SUSD4: variants seen among roughly 807,000 people sequenced by gnomAD.
The protein encoded by SUSD4 is sushi domain-containing protein 4.
A neutral mutation model predicts 50.5 loss-of-function variants in SUSD4; 41 were observed. That is an observed-to-expected ratio of 0.81 (90% confidence interval 0.63 to 1.05). The LOEUF (loss-of-function observed/expected upper bound fraction) is 1.05, where lower values mean the gene tolerates loss of function less well. Ranked by LOEUF, SUSD4 falls within the 50% of genes least tolerant of loss-of-function variation. SUSD4 has a pLI of 0.00. For missense variants in SUSD4, 580 were observed against 634.7 expected (o/e 0.91, Z 0.93); for synonymous variants, 257 against 257.3 (o/e 1.00, Z 0.01).
intron 2 of SUSD4, among the ~76,000 whole-genome samples, chr1:223,320,979 C>T (rs1268128695): frequency 6.6e-6 from 1 of 152,200 alleles, no homozygotes; most frequent in Non-Finnish European, 1.5e-5. Context: ...ATTCTAATAG[C>T]CTCTCATTCC....
intron 3 of SUSD4, among the ~76,000 whole-genome samples, chr1:223,286,119 T>G (rs1021819965): frequency 2.6e-5 from 4 of 152,020 alleles, no homozygotes; most frequent in Non-Finnish European, 5.9e-5. Context: ...TAATTTTTTG[T>G]TTTTTTGTTT....
At chr1:223,264,595 C>T (rs752698794) in intron 5 of SUSD4, 35 bp downstream of exon 5, 1 of 1,608,916 alleles carries the variant, frequency 6.2e-7, no homozygotes, top group Non-Finnish European at 8.5e-7. Context: ...TTTAATAATA[C>T]AAAATACAAC....
At chr1:223,329,268 A>G (rs533770712) in intron 2 of SUSD4, among the ~76,000 whole-genome samples, 3 of 152,322 alleles carry the variant, frequency 2.0e-5, no homozygotes, top group Admixed American at 6.5e-5. Context: ...GGGATTATCA[A>G]TGGCCTTCAT....
chr1:223,348,940 C>T (rs941415451), intron 2 of SUSD4, among the ~76,000 whole-genome samples: 1 of 152,020 alleles, frequency 6.6e-6, no homozygotes, highest in Non-Finnish European at 1.5e-5. Flanking sequence ...CAGAGACCTC[C>T]AGGAGCTGGT....
intron 2 of SUSD4, among the ~76,000 whole-genome samples, chr1:223,328,744 G>A (rs1340260299): frequency 6.6e-6 from 1 of 152,184 alleles, no homozygotes; most frequent in Non-Finnish European, 1.5e-5. Flanking sequence ...TGTGTCAGCA[G>A]CTACACCTCA....
At chr1:223,261,291 A>G (rs712857) in intron 5 of SUSD4, among the ~76,000 whole-genome samples, 62,702 of 152,114 alleles carry the variant, frequency 0.41, 13,189 homozygotes, top group Non-Finnish European at 0.44. Flanking sequence ...ATGCCTATAA[A>G]AGTATCAAAT....
At chr1:223,303,042 G>A (rs1428895210) in intron 2 of SUSD4, among the ~76,000 whole-genome samples, 1 of 152,124 alleles carries the variant, frequency 6.6e-6, no homozygotes, top group Admixed American at 6.6e-5. Flanking sequence ...TAGCTACTCA[G>A]GAGGCTGAAG....
chr1:223,278,423 C>T (rs1214334497), intron 3 of SUSD4, among the ~76,000 whole-genome samples: 7 of 152,214 alleles, frequency 4.6e-5, no homozygotes, highest in Admixed American at 6.5e-5. Context: ...TTATATCCCA[C>T]GCATGACTGG....
rs1201533005 is a variant in SUSD4, at chr1:223,236,568, A to G, written c.725-7180T>C. Among the ~76,000 whole-genome samples, 8 of 143,070 alleles carry G rather than the reference A, an allele frequency of 5.6e-5. No individual in the cohort carries two copies. In the South Asian group the frequency reaches 1.5e-3, roughly 27 times the overall value. The allele number at this position is 143,070 out of a possible 152,430, so 93.9% of individuals were successfully genotyped here. A position where few individuals can be genotyped will look rare whatever the true frequency, so the allele number is the denominator to read the frequency against. ...TAGCTTTTTTTTTTTTTGTTTTTGT[A>G]TGTGGATGCCCAATAGTTCCAGCAT... is the stretch of plus-strand genomic sequence containing the variant. On this transcript the variant is annotated intron_variant, in intron 5 of 8. Transcript: ENST00000366878.
intron 3 of SUSD4, 28 bp downstream of exon 3, chr1:223,292,411 G>C (rs1260596914): frequency 6.2e-7 from 1 of 1,612,908 alleles, no homozygotes; most frequent in East Asian, 2.2e-5. Context: ...CCACATGAGT[G>C]GCTTCCGTGG....
intron 2 of SUSD4, among the ~76,000 whole-genome samples, chr1:223,336,024 A>G (rs1015291624): frequency 2.0e-5 from 3 of 152,232 alleles, no homozygotes; most frequent in Non-Finnish European, 4.4e-5. Flanking sequence ...AAAAAAAAGA[A>G]AACGTCATTA....
At chr1:223,233,698 C>T (rs1026345467) in intron 5 of SUSD4, among the ~76,000 whole-genome samples, 1 of 152,152 alleles carries the variant, frequency 6.6e-6, no homozygotes. Flanking sequence ...GGCTATGGCA[C>T]TTTTTTCTGT....
Position 223,222,228 on chromosome 1 carries a change from A to C in SUSD4, c.1445-8T>G, listed in dbSNP as rs1403258689. The C allele has an allele frequency of 6.2e-7, 1 of 1,613,480 alleles. No individual in the cohort carries two copies. The highest frequency in any genetic ancestry group is 8.5e-7 in the Non-Finnish European group (1 of 1,179,788). On this transcript the variant is annotated splice_polypyrimidine_tract_variant and splice_region_variant and intron_variant, in intron 8 of 8. Coordinates refer to ENST00000366878, the MANE Select transcript of SUSD4 (RefSeq NM_017982.4). ...CTTCCATTAGAGGAATCTCTGTAAA[A>C]GAAGAGACGGTTATTAGCTTAACAT...
At chr1:223,222,729 G>A (rs1410658014) in intron 8 of SUSD4, among the ~76,000 whole-genome samples, 1 of 152,134 alleles carries the variant, frequency 6.6e-6, no homozygotes, top group East Asian at 1.9e-4. Context: ...CCTTCCTTGT[G>A]ACAGGTACAC....
upstream of SUSD4, among the ~76,000 whole-genome samples, chr1:223,364,433 C>T (rs1291170258): frequency 1.3e-5 from 2 of 148,226 alleles, no homozygotes; most frequent in Admixed American, 1.3e-4. The surrounding 1 kb of genome is among the most constrained non-coding windows in gnomAD (Gnocchi z 4.5). Context: ...CCAACCCAGC[C>T]GGCGCCGCGG....
intron 2 of SUSD4, among the ~76,000 whole-genome samples, chr1:223,299,738 G>A (rs1030771823): frequency 6.6e-6 from 1 of 152,162 alleles, no homozygotes; most frequent in Non-Finnish European, 1.5e-5. Context: ...TCCAATGCCT[G>A]AATAGAACAA....
intron 2 of SUSD4, among the ~76,000 whole-genome samples, chr1:223,347,273 G>A (rs116020001): frequency 0.015 from 2,226 of 152,112 alleles, 27 homozygotes; most frequent in Non-Finnish European, 0.025. Context: ...TCACCCTGTC[G>A]TGCTATAAAA....
chr1:223,255,092 G>A (rs954937377), intron 5 of SUSD4, among the ~76,000 whole-genome samples: 1 of 152,200 alleles, frequency 6.6e-6, no homozygotes, highest in Non-Finnish European at 1.5e-5. Context: ...GGGATGGTAT[G>A]TACTAATGTA....
intron 2 of SUSD4, among the ~76,000 whole-genome samples, chr1:223,298,073 G>T (rs1338826774): frequency 1.3e-5 from 2 of 151,934 alleles, no homozygotes; most frequent in Non-Finnish European, 2.9e-5. Context: ...TAGATGAATG[G>T]CTGGCTGGAT....
Sources: gnomAD v4.1 joint callset for allele counts (sites outside exome capture counted in the v4.1 genomes callset) on GRCh38, gnomAD v4.1.1 for gene constraint, Gnocchi (gnomAD v3.1) non-coding constraint, MANE v1.5 for transcripts, NCBI Gene and HGNC (gene_info 2026-07-23, HGNC 2026-07-21) for gene names.